OIT3: variants seen among roughly 807,000 people sequenced by gnomAD.
The protein encoded by OIT3 is oncoprotein induced transcript 3, also known as oncoprotein-induced transcript 3 protein.
Under a neutral mutation model 52.2 loss-of-function variants are expected in OIT3, and 41 were observed. The observed-to-expected ratio is 0.79, with a 90% CI of 0.61 to 1.02. OIT3 has a LOEUF of 1.02. Ranked by LOEUF, OIT3 falls within the 50% of genes least tolerant of loss-of-function variation. The probability of loss-of-function intolerance (pLI) is 0.00; values close to 1 mark genes in which losing one functional copy is unlikely to be tolerated. For missense variants in OIT3, 634 were observed against 715.5 expected (o/e 0.89, Z 1.30); for synonymous variants, 244 against 276.9 (o/e 0.88, Z 1.18).
At chr10:72,921,264 T>A (rs1846118869) in intron 6 of OIT3, among the ~76,000 whole-genome samples, 1 of 152,378 alleles carries the variant, frequency 6.6e-6, no homozygotes, top group Non-Finnish European at 1.5e-5. Context: ...CTGTTTTCCA[T>A]GTGCTTGATA....
rs755161418 is a variant in OIT3, at chr10:72,900,408, T to C, written c.468T>C (p.His156=). ...ATGACATCTGCGACGAGGACTGCCA[T>C]GGCAGCTGCTCAGATACCAGCGAGT... ...HFYDICDEDC[H]GSCSDTSECT... The change falls in exon 3 of 9, where the codon CAT becomes CAC. Residue 156 remains histidine, a synonymous_variant. Coordinates refer to ENST00000334011, the MANE Select transcript of OIT3 (RefSeq NM_152635.3). The C allele has an allele frequency of 1.2e-6, 2 of 1,610,390 alleles. No individual in the cohort carries two copies. Among genetic ancestry groups the C allele is most frequent in the East Asian group, 4.5e-5 (2 of 44,788 alleles).
At chr10:72,928,286 T>C (rs533584595) in intron 7 of OIT3, among the ~76,000 whole-genome samples, 3 of 152,328 alleles carry the variant, frequency 2.0e-5, no homozygotes, top group Admixed American at 1.3e-4. Context: ...AAATCAAGCA[T>C]TGAACAAGTT....
At chr10:72,919,874 A>G (rs1333129611) in intron 6 of OIT3, among the ~76,000 whole-genome samples, 4 of 152,146 alleles carry the variant, frequency 2.6e-5, no homozygotes, top group Non-Finnish European at 4.4e-5. Flanking sequence ...GGATTTTTGC[A>G]TCAATGTTCA....
In OIT3 at chr10:72,906,597, T is replaced by C. The variant is rs749489119; in HGVS notation, c.546T>C (p.Asp182=). ...VLGPDRQTCF[D]ENECEQNNGG... ...AACAGTGTGGTTTCTCTTCTGCAGATGAAAATGAATGTGAGCAAAACAACG... is the reference window on the plus strand; with the variant it reads ...AACAGTGTGGTTTCTCTTCTGCAGACGAAAATGAATGTGAGCAAAACAACG... The change falls in exon 4 of 9, where the codon GAT becomes GAC. Residue 182 remains aspartate (D), a splice_region_variant and synonymous_variant. Coordinates refer to ENST00000334011, the MANE Select transcript of OIT3 (RefSeq NM_152635.3). The C allele has an allele frequency of 2.2e-5, 36 of 1,613,798 alleles. No homozygotes were observed. Among genetic ancestry groups the C allele is most frequent in the Non-Finnish European group, 3.0e-5 (35 of 1,179,900 alleles).
intron 3 of OIT3, among the ~76,000 whole-genome samples, chr10:72,901,145 ATATAT>A (rs1282867429): frequency 6.6e-6 from 1 of 152,150 alleles, no homozygotes; most frequent in Non-Finnish European, 1.5e-5. Context: ...GTTATATAAA[ATATAT>A]TATTAAAATT....
intron 6 of OIT3, chr10:72,913,699 T>G: frequency 1.6e-6 from 1 of 633,850 alleles, no homozygotes; most frequent in Non-Finnish European, 2.9e-6. Flanking sequence ...GTCCCATCTC[T>G]CCAGCATGCA....
At chr10:72,895,708 C>T (rs867566331) in intron 1 of OIT3, among the ~76,000 whole-genome samples, 19 of 152,202 alleles carry the variant, frequency 1.2e-4, no homozygotes, top group African/African-American at 2.9e-4. Flanking sequence ...AGGGTGGGGA[C>T]GCAGACATGG....
At chr10:72,913,175 G>T (rs971817909) in intron 5 of OIT3, 133 bp from the exon 6 acceptor site, 2 of 625,788 alleles carry the variant, frequency 3.2e-6, no homozygotes, top group African/African-American at 3.6e-5. Flanking sequence ...TCACCAACTT[G>T]TTTTCAGCCC....
intron 1 of OIT3, among the ~76,000 whole-genome samples, chr10:72,896,277 G>A (rs1269074437): frequency 6.6e-6 from 1 of 152,128 alleles, no homozygotes; most frequent in Non-Finnish European, 1.5e-5. Flanking sequence ...GCCAGGGAGA[G>A]GAATCAAATA....
chr10:72,899,833 T>C (rs1845916006), intron 2 of OIT3, among the ~76,000 whole-genome samples: 1 of 152,132 alleles, frequency 6.6e-6, no homozygotes, highest in Non-Finnish European at 1.5e-5. Flanking sequence ...TGATATACAA[T>C]GGGAAGAAGC....
chr10:72,923,838 TTGTCCAAACAAC>T (rs894340059), intron 6 of OIT3, among the ~76,000 whole-genome samples: 3 of 152,018 alleles, frequency 2.0e-5, no homozygotes, highest in East Asian at 3.9e-4. Context: ...AATGGCTGAG[TTGTCCAAACAAC>T]TGTCCAAACA....
intron 4 of OIT3, among the ~76,000 whole-genome samples, chr10:72,909,265 C>T (rs1564592056): frequency 1.3e-5 from 2 of 151,778 alleles, no homozygotes; most frequent in South Asian, 4.2e-4. Flanking sequence ...GGACTACAGG[C>T]GTGCACCACC....
intron 8 of OIT3, among the ~76,000 whole-genome samples, chr10:72,931,365 C>T (rs1485754146): frequency 6.6e-6 from 1 of 152,142 alleles, no homozygotes; most frequent in Non-Finnish European, 1.5e-5. Flanking sequence ...GTGGCACACA[C>T]CTGTAGTCCT....
chr10:72,898,815 T>A lies in OIT3; in HGVS notation c.213T>A (p.Pro71=), dbSNP rs138078604. 106 of 1,613,976 alleles carry A rather than the reference T, an allele frequency of 6.6e-5. No individual in the cohort carries two copies. The highest frequency in any genetic ancestry group is 8.6e-5 in the Non-Finnish European group (101 of 1,179,962). ...CGGGCATGGCGGGAGATGCCATGCC[T>A]ACCTTCTGCATACCAGAAAACCACT... ...HFTGMAGDAM[P]TFCIPENHCG... The change falls in exon 2 of 9, where the codon CCT becomes CCA. Residue 71 remains proline, a synonymous_variant. Coordinates refer to ENST00000334011, the MANE Select transcript of OIT3 (RefSeq NM_152635.3).
At chr10:72,895,943 A>G (rs1470652414) in intron 1 of OIT3, among the ~76,000 whole-genome samples, 1 of 152,220 alleles carries the variant, frequency 6.6e-6, no homozygotes, top group African/African-American at 2.4e-5. Flanking sequence ...ACCAGTGGCC[A>G]GATTATTAGA....
chr10:72,911,849 G>A lies in OIT3; in HGVS notation c.790+10G>A. 1 of 1,609,622 alleles carries A rather than the reference G, an allele frequency of 6.2e-7. No individual in the cohort carries two copies. Among genetic ancestry groups the A allele is most frequent in the East Asian group, 2.2e-5 (1 of 44,786 alleles). On this transcript the variant is annotated intron_variant, in intron 5 of 8. Coordinates refer to ENST00000334011, the MANE Select transcript of OIT3 (RefSeq NM_152635.3). ...AACCACACTTGCCAAGGTAGTACAT[G>A]GGGCAGGGGGACTTGTCTCTACTCT...
intron 6 of OIT3, among the ~76,000 whole-genome samples, chr10:72,920,389 A>T (rs372119394): frequency 6.6e-6 from 1 of 151,852 alleles, no homozygotes; most frequent in Non-Finnish European, 1.5e-5. Flanking sequence ...CAGCTCCTAG[A>T]TTTGTTGATC....
chr10:72,914,597 T>A (rs1846058400), intron 6 of OIT3, among the ~76,000 whole-genome samples: 1 of 152,182 alleles, frequency 6.6e-6, no homozygotes, highest in African/African-American at 2.4e-5. Flanking sequence ...TATTGTCCCA[T>A]GCATGGCAGA....
At chr10:72,898,611 G>A in intron 1 of OIT3, 53 bp from the exon 2 acceptor site, 1 of 1,519,204 alleles carries the variant, frequency 6.6e-7, no homozygotes, top group Non-Finnish European at 8.9e-7. Flanking sequence ...TGGGCTGTTG[G>A]TGGTGTGATC....
Sources: gnomAD v4.1 joint callset for allele counts (sites outside exome capture counted in the v4.1 genomes callset) on GRCh38, gnomAD v4.1.1 for gene constraint, MANE v1.5 for transcripts, NCBI Gene and HGNC (gene_info 2026-07-23, HGNC 2026-07-21) for gene names.